ARHGAP25: variants seen among roughly 807,000 people sequenced by gnomAD.
ARHGAP25 encodes Rho GTPase activating protein 25, also known as rho GTPase-activating protein 25.
A neutral mutation model predicts 71.0 loss-of-function variants in ARHGAP25; 34 were observed. That is an observed-to-expected ratio of 0.48 (90% CI 0.36 to 0.64). ARHGAP25 has a LOEUF of 0.64. Ranked by LOEUF, ARHGAP25 falls within the 30% of genes least tolerant of loss-of-function variation. The pLI, the probability that ARHGAP25 is intolerant of heterozygous loss-of-function variation, is 0.00. For missense variants in ARHGAP25, 706 were observed against 805.1 expected, an observed-to-expected ratio of 0.88 and a Z score of 1.49; for synonymous variants, 282 against 296.5, an observed-to-expected ratio of 0.95 and a Z score of 0.50.
chr2:68,737,506 C>G (rs1382913678), intron 1 of ARHGAP25, among the ~76,000 whole-genome samples: 1 of 152,132 alleles, frequency 6.6e-6, no homozygotes, highest in Non-Finnish European at 1.5e-5. Context: ...TGGTAACACC[C>G]CCCTACCACT....
intron 1 of ARHGAP25, among the ~76,000 whole-genome samples, chr2:68,760,361 TAAAAAGCA>T (rs1676728156): frequency 1.3e-5 from 2 of 151,830 alleles, no homozygotes; most frequent in Admixed American, 6.6e-5. Context: ...GGGAGAGAAA[TAAAAAGCA>T]TCCACATTAG....
chr2:68,765,674 A>G (rs909948953), intron 1 of ARHGAP25, among the ~76,000 whole-genome samples: 3 of 152,234 alleles, frequency 2.0e-5, no homozygotes, highest in African/African-American at 7.2e-5. Flanking sequence ...CACGCCTAAC[A>G]AAACTAATCA....
At position 68,826,268 on chromosome 2, in the gene ARHGAP25, C is replaced by T. The variant is rs758040401; in HGVS notation, c.*74C>T. Reference sequence around the variant, plus strand: ...CCCCTTTCTCAGTGCTATCTGATGACGGGGAAACAAAATTATTCTCTGAGA... The same window carrying T: ...CCCCTTTCTCAGTGCTATCTGATGATGGGGAAACAAAATTATTCTCTGAGA... On this transcript the variant is annotated 3_prime_UTR_variant, in exon 11 of 11. Transcript: ENST00000409202. 2.0e-5 allele frequency: 27 copies of T among 1,354,232 alleles called. No homozygotes were observed. Among genetic ancestry groups the T allele is most frequent in the South Asian group, 3.5e-5 (3 of 85,016 alleles). 83.9% of individuals were successfully genotyped at this position (1,354,232 alleles called of 1,614,324 possible). A position where few individuals can be genotyped will look rare whatever the true frequency, so the allele number is the denominator to read the frequency against.
chr2:68,781,250 C>T (rs936126698), intron 2 of ARHGAP25, among the ~76,000 whole-genome samples: 8 of 152,080 alleles, frequency 5.3e-5, no homozygotes, highest in East Asian at 1.9e-4. Context: ...ATTAGCCAGA[C>T]GCAGTGGTGA....
At chr2:68,793,714 C>T (rs1228844374) in intron 4 of ARHGAP25, among the ~76,000 whole-genome samples, 2 of 152,194 alleles carry the variant, frequency 1.3e-5, no homozygotes. Context: ...AATATGATGC[C>T]TCCAGCCTTG....
At chr2:68,719,524 T>A (rs528380963) in intron 2 of ARHGAP25, among the ~76,000 whole-genome samples, 1 of 151,784 alleles carries the variant, frequency 6.6e-6, no homozygotes, top group African/African-American at 2.4e-5. Context: ...GTTGAAAATG[T>A]AGAGGAAAAA....
upstream of ARHGAP25, among the ~76,000 whole-genome samples, chr2:68,730,507 G>A (rs1003596290): frequency 1.3e-5 from 2 of 151,914 alleles, no homozygotes; most frequent in East Asian, 3.9e-4. Context: ...AAAATTAGCC[G>A]GGCATGGTAG....
At chr2:68,766,408 C>A (rs1677126660) in intron 1 of ARHGAP25, among the ~76,000 whole-genome samples, 1 of 152,188 alleles carries the variant, frequency 6.6e-6, no homozygotes, top group East Asian at 1.9e-4. Flanking sequence ...GGGCAGTGTT[C>A]TTCCGCAAGC....
chr2:68,763,561 A>C (rs1676950840), intron 1 of ARHGAP25, among the ~76,000 whole-genome samples: 1 of 152,188 alleles, frequency 6.6e-6, no homozygotes, highest in East Asian at 1.9e-4. Flanking sequence ...CTAATGTTGA[A>C]TTTATCAAAA....
rs1682103964 is a variant in ARHGAP25, at chr2:68,826,040, A to G, written c.1787A>G (p.Glu596Gly). ...GCTAAAGTGGTGAGGCTCAATGAAG[A>G]ACTGGAGAAGGAAAAGAAGAAGTCT... ...VWAKVVRLNEELEKEKKKSAA... is the reference protein window; with the variant it reads ...VWAKVVRLNEGLEKEKKKSAA... Residue 596 changes from glutamate (E) to glycine (G), a missense_variant, in exon 11 of 11, where the codon GAA becomes GGA. Coordinates refer to ENST00000409202, the MANE Select transcript of ARHGAP25 (RefSeq NM_001007231.3). 1 of 1,614,018 alleles carries G rather than the reference A, an allele frequency of 6.2e-7. No homozygotes were observed. Among genetic ancestry groups the G allele is most frequent in the Non-Finnish European group, 8.5e-7 (1 of 1,180,004 alleles).
chr2:68,784,425 G>A (rs1039548929), intron 3 of ARHGAP25, among the ~76,000 whole-genome samples: 1 of 152,016 alleles, frequency 6.6e-6, no homozygotes, highest in Non-Finnish European at 1.5e-5. Context: ...TCCCAGATAG[G>A]ATCCTCTCTC....
At chr2:68,762,321 C>T (rs1432914154) in intron 1 of ARHGAP25, among the ~76,000 whole-genome samples, 2 of 151,812 alleles carry the variant, frequency 1.3e-5, no homozygotes, top group Non-Finnish European at 2.9e-5. Context: ...GATGGTTGTG[C>T]AATAATGTGA....
intron 2 of ARHGAP25, among the ~76,000 whole-genome samples, chr2:68,722,831 A>C (rs1573377811): frequency 1.3e-5 from 2 of 152,070 alleles, no homozygotes; most frequent in African/African-American, 2.4e-5. Flanking sequence ...GCACCATGCA[A>C]AGTGCTTGAG....
At chr2:68,810,703 A>G (rs1680727519) in intron 5 of ARHGAP25, among the ~76,000 whole-genome samples, 1 of 149,716 alleles carries the variant, frequency 6.7e-6, no homozygotes, top group Admixed American at 6.7e-5. Context: ...CAAAAGTTCA[A>G]AAGATCCAAT....
chr2:68,725,752 A>T (rs1346773720), intron 2 of ARHGAP25, among the ~76,000 whole-genome samples: 1 of 152,210 alleles, frequency 6.6e-6, no homozygotes, highest in Admixed American at 6.5e-5. Context: ...TACCTTGTTG[A>T]CCCATCTCTT....
intron 4 of ARHGAP25, among the ~76,000 whole-genome samples, chr2:68,804,363 A>G (rs912279762): frequency 6.6e-6 from 1 of 152,142 alleles, no homozygotes; most frequent in African/African-American, 2.4e-5. Context: ...TGCCTCTCTC[A>G]TTGAAGGGCC....
In ARHGAP25 at chr2:68,819,192, A is replaced by G. The variant is rs1377635128; in HGVS notation, c.1073A>G (p.Lys358Arg). The G allele has an allele frequency of 6.2e-7, 1 of 1,613,218 alleles. No homozygotes were observed. Among genetic ancestry groups the G allele is most frequent in the Admixed American group, 1.7e-5 (1 of 59,934 alleles). The part of the protein sequence containing the change: ...RDHEVLFPKS[K>R]DIPLSPPAQK... ...CATGAAGTCCTCTTCCCCAAGTCCAAGGATATACCCCTGTCACCCCCTGCC... is the reference window on the plus strand; with the variant it reads ...CATGAAGTCCTCTTCCCCAAGTCCAGGGATATACCCCTGTCACCCCCTGCC... Residue 358 changes from lysine to arginine, a missense_variant, in exon 9 of 11, where the codon AAG becomes AGG. Physicochemically the swap from Lys to Arg is conservative, Grantham distance 26. Coordinates refer to ENST00000409202, the MANE Select transcript of ARHGAP25 (RefSeq NM_001007231.3).
intron 2 of ARHGAP25, among the ~76,000 whole-genome samples, chr2:68,723,649 C>G (rs1674816806): frequency 1.3e-5 from 2 of 152,218 alleles, no homozygotes; most frequent in Non-Finnish European, 2.9e-5. Context: ...CCTGCTAACT[C>G]TTCTATCCCT....
At chr2:68,711,780 G>A (rs1674488816) in intron 2 of ARHGAP25, among the ~76,000 whole-genome samples, 1 of 148,366 alleles carries the variant, frequency 6.7e-6, no homozygotes, top group African/African-American at 2.5e-5. Context: ...TTGGTTTTCT[G>A]TTACTGTGTT....
Sources: gnomAD v4.1 joint callset for allele counts (sites outside exome capture counted in the v4.1 genomes callset) on GRCh38, gnomAD v4.1.1 for gene constraint, MANE v1.5 for transcripts, NCBI Gene and HGNC (gene_info 2026-07-23, HGNC 2026-07-21) for gene names.